Variants in AFG3L2 observed in about 807,000 individuals in gnomAD.
AFG3L2 encodes the protein AFG3 like matrix AAA peptidase subunit 2.
In AFG3L2, 54 loss-of-function variants were observed where a neutral mutation model predicts 94.5. The ratio of observed to expected loss-of-function variants is 0.57; its 90% CI spans 0.46 to 0.72. The LOEUF is 0.72. AFG3L2 is among the 30% of genes least tolerant of loss of function. The pLI is 0.00. For missense variants in AFG3L2, 754 were observed against 994.9 expected (o/e 0.76, Z 3.26); for synonymous variants, 377 against 365.5 (o/e 1.03, Z -0.36).
intron 9 of AFG3L2, among the ~76,000 whole-genome samples, chr18:12,355,478 A>C (rs1908463921): frequency 1.3e-5 from 2 of 152,190 alleles, no homozygotes; most frequent in Admixed American, 1.3e-4. Context: ...GCTGGTAGGG[A>C]TGGAAAATGG....
At chr18:12,346,971 T>C (rs1286411147) in intron 13 of AFG3L2, among the ~76,000 whole-genome samples, 2 of 145,172 alleles carry the variant, frequency 1.4e-5, no homozygotes, top group African/African-American at 5.0e-5. Flanking sequence ...ACCCCATCTC[T>C]ACTAAAAGTA....
At chr18:12,351,785 G>T (rs1422801442) in intron 10 of AFG3L2, among the ~76,000 whole-genome samples, 5 of 152,096 alleles carry the variant, frequency 3.3e-5, no homozygotes, top group African/African-American at 1.2e-4. Flanking sequence ...AACCTCAGGT[G>T]ATCCACCCGC....
In AFG3L2 at chr18:12,340,251, T is replaced by A. The variant is rs1318389235; in HGVS notation, c.1930A>T (p.Thr644Ser). The A allele has an allele frequency of 6.2e-7, 1 of 1,614,060 alleles. No homozygotes were observed. The highest frequency in any genetic ancestry group is 2.2e-5 in the East Asian group (1 of 44,880). Residue 644 changes from threonine to serine, a missense_variant, in exon 15 of 17, where the codon ACT becomes TCT. Transcript: ENST00000269143. ...SEEIFFGRIT[T>S]GAQDDLRKVT... ...TTTCTCAAGTCATCTTGAGCACCAG[T>A]TGTAATTCTTCCAAAGAAGATTTCT... is the stretch of plus-strand genomic sequence containing the variant.
rs1157844986 is a variant in AFG3L2, at chr18:12,377,172, G to T, written c.-90C>A. ...CCTCGGGAAGCGGGCTCGGCTCGGG[G>T]AAAGGCCGCCAGGCAGCGAAGCGCG... On this transcript the variant is annotated 5_prime_UTR_variant, in exon 1 of 17. Coordinates refer to ENST00000269143, the MANE Select transcript of AFG3L2 (RefSeq NM_006796.3). The T allele has an allele frequency of 4.8e-6, 5 of 1,043,586 alleles. No individual in the cohort carries two copies. Among genetic ancestry groups the T allele is most frequent in the Non-Finnish European group, 6.7e-6 (5 of 749,622 alleles). 64.6% of individuals were successfully genotyped at this position (1,043,586 alleles called of 1,614,324 possible).
chr18:12,367,273 A>G lies in AFG3L2; in HGVS notation c.399+3T>C, dbSNP rs1272291508. The stretch of plus-strand genomic sequence containing the variant: ...AAAATTCACACAATGTATAGCATCA[A>G]ACCTTCTGAAACCTGGACCACCAGT... On this transcript the variant is annotated splice_donor_region_variant and intron_variant, in intron 4 of 16. Transcript: ENST00000269143. 1 of 1,614,168 alleles carries G rather than the reference A, an allele frequency of 6.2e-7. No individual in the cohort carries two copies. Among genetic ancestry groups the G allele is most frequent in the Non-Finnish European group, 8.5e-7 (1 of 1,180,034 alleles).
intron 16 of AFG3L2, among the ~76,000 whole-genome samples, chr18:12,333,065 CTATTATAT>C (rs1907614637): frequency 1.1e-5 from 1 of 91,614 alleles, no homozygotes; most frequent in Non-Finnish European, 1.9e-5. Flanking sequence ...AGATTATAAT[CTATTATAT>C]AACTATTATA....
At chr18:12,344,103 G>A (rs1348637715) in intron 14 of AFG3L2, 29 bp downstream of exon 14, 1 of 1,573,892 alleles carries the variant, frequency 6.4e-7, no homozygotes, top group African/African-American at 1.3e-5. Flanking sequence ...CCCATGCACT[G>A]GCTGCCTAGT....
chr18:12,366,922 C>T, intron 5 of AFG3L2, 43 bp downstream of exon 5: 1 of 1,610,264 alleles, frequency 6.2e-7, no homozygotes, highest in Non-Finnish European at 8.5e-7. Flanking sequence ...TGATGAATTT[C>T]ACCTTTGAAC....
intron 16 of AFG3L2, among the ~76,000 whole-genome samples, chr18:12,333,101 T>TTA (rs1907618903): frequency 1.9e-5 from 1 of 51,858 alleles, no homozygotes; most frequent in Non-Finnish European, 3.6e-5. Flanking sequence ...TTATAATCTA[T>TTA]TATATAACTA....
At chr18:12,342,986 A>G (rs1251488078) in intron 14 of AFG3L2, 3 of 148,256 alleles carry the variant, frequency 2.0e-5, no homozygotes, top group African/African-American at 7.6e-5. Flanking sequence ...TCGGTTTTAG[A>G]TTCAGCTTCT....
chr18:12,360,809 C>T (rs751688016), intron 6 of AFG3L2, among the ~76,000 whole-genome samples: 22 of 152,326 alleles, frequency 1.4e-4, no homozygotes, highest in Non-Finnish European at 2.4e-4. Context: ...CATGGTCACA[C>T]ATGAAATAAG....
chr18:12,337,270 A>C, intron 16 of AFG3L2, 71 bp downstream of exon 16: 1 of 1,401,604 alleles, frequency 7.1e-7, no homozygotes, highest in Non-Finnish European at 1.0e-6. Context: ...CACCAACCAA[A>C]ACAGTCTATC....
chr18:12,359,787 C>G (rs1427389837), intron 7 of AFG3L2, 140 bp downstream of exon 7: 1 of 1,088,970 alleles, frequency 9.2e-7, no homozygotes, highest in Non-Finnish European at 1.4e-6. Context: ...TAGTGAGTTA[C>G]TAATAGTTTT....
intron 5 of AFG3L2, 23 bp from the exon 6 acceptor site, chr18:12,363,879 A>T (rs1351818633): frequency 6.4e-7 from 1 of 1,560,834 alleles, no homozygotes; most frequent in Admixed American, 1.7e-5. Flanking sequence ...AAATAAATTC[A>T]CACATAAATT....
intron 12 of AFG3L2, among the ~76,000 whole-genome samples, chr18:12,348,873 T>G: frequency 6.6e-6 from 1 of 152,232 alleles, no homozygotes; most frequent in East Asian, 1.9e-4. Context: ...ATCCATCTCT[T>G]TAAACTAACT....
chr18:12,340,356 A>G lies in AFG3L2; in HGVS notation c.1825T>C (p.Leu609=), dbSNP rs776053569. 1 of 1,614,218 alleles carries G rather than the reference A, an allele frequency of 6.2e-7. No individual in the cohort carries two copies. The highest frequency in any genetic ancestry group is 1.1e-5 in the South Asian group (1 of 91,084). The change falls in exon 15 of 17, where the codon TTA becomes CTA. Residue 609 remains leucine, a synonymous_variant. Coordinates refer to ENST00000269143, the MANE Select transcript of AFG3L2 (RefSeq NM_006796.3). ...GTATAGAGGTATTGTTCTTTTGGTA[A>G]ATACTGAGCATAACCTAGTCCTTTG... ...RGKGLGYAQY[L]PKEQYLYTKE...
intron 1 of AFG3L2, among the ~76,000 whole-genome samples, chr18:12,375,343 C>G (rs978468630): frequency 6.7e-6 from 1 of 149,334 alleles, no homozygotes; most frequent in African/African-American, 2.5e-5. Flanking sequence ...CAACCTCCCG[C>G]GCCAAGCAAC....
chr18:12,371,315 CAAA>C (rs1275446956), intron 2 of AFG3L2, among the ~76,000 whole-genome samples: 4 of 66,408 alleles, frequency 6.0e-5, no homozygotes, highest in Middle Eastern at 0.01. Context: ...ACTCAGTCTC[CAAA>C]AAAAAAAAAA....
chr18:12,366,168 G>A (rs1405612927), intron 5 of AFG3L2, among the ~76,000 whole-genome samples: 3 of 152,130 alleles, frequency 2.0e-5, no homozygotes, highest in South Asian at 2.1e-4. Context: ...GACCCACTAC[G>A]CCCGGCCACT....
Sources: allele counts gnomAD v4.1 joint callset (sites outside exome capture counted in the v4.1 genomes callset), GRCh38; gene constraint gnomAD v4.1.1; transcripts MANE v1.5; gene names NCBI Gene and HGNC (gene_info 2026-07-23, HGNC 2026-07-21).